Variants in NEGR1 observed in about 807,000 individuals in gnomAD.
NEGR1 encodes the protein neuronal growth regulator 1, also known as IgLON family member 4.
A neutral mutation model predicts 40.9 loss-of-function variants in NEGR1; 10 were observed. The ratio of observed to expected loss-of-function variants is 0.24; its 90% confidence interval spans 0.15 to 0.42. The LOEUF (loss-of-function observed/expected upper bound fraction) is 0.42, where lower values mean the gene tolerates loss of function less well. NEGR1 is among the 10% of genes least tolerant of loss of function. The pLI, the probability that NEGR1 is intolerant of heterozygous loss-of-function variation, is 1.00. For missense variants in NEGR1, 352 were observed against 438.9 expected (o/e 0.80, Z 1.77); for synonymous variants, 185 against 166.8 (o/e 1.11, Z -0.84).
At chr1:72,139,443 A>T (rs1650590781) in intron 1 of NEGR1, among the ~76,000 whole-genome samples, 2 of 152,054 alleles carry the variant, frequency 1.3e-5, no homozygotes, top group Admixed American at 6.6e-5. Context: ...ATTATCAAGA[A>T]ATATGTAGTA....
At chr1:71,942,820 G>C (rs2100252220) in intron 1 of NEGR1, among the ~76,000 whole-genome samples, 1 of 149,952 alleles carries the variant, frequency 6.7e-6, no homozygotes, top group East Asian at 2.0e-4. Context: ...TATTTTTTAA[G>C]AGACAAATTC....
intron 1 of NEGR1, among the ~76,000 whole-genome samples, chr1:72,211,268 T>A (rs1280985478): frequency 1.3e-5 from 2 of 151,674 alleles, no homozygotes; most frequent in Admixed American, 1.3e-4. Flanking sequence ...AACAAAAAAA[T>A]CTAGCACTCT....
chr1:72,139,438 C>A (rs1448715653), intron 1 of NEGR1, among the ~76,000 whole-genome samples: 1 of 151,742 alleles, frequency 6.6e-6, no homozygotes. Flanking sequence ...TGATCATTAT[C>A]AAGAAATATG....
chr1:71,898,877 TGC>T (rs1661048640), intron 2 of NEGR1, among the ~76,000 whole-genome samples: 1 of 73,898 alleles, frequency 1.4e-5, no homozygotes, highest in Non-Finnish European at 2.9e-5. Context: ...ATATATATAT[TGC>T]AAATATATAT....
intron 1 of NEGR1, among the ~76,000 whole-genome samples, chr1:72,158,995 C>A (rs749724834): frequency 6.6e-6 from 1 of 151,996 alleles, no homozygotes; most frequent in Non-Finnish European, 1.5e-5. Context: ...TTGATCCTTG[C>A]GAGGCTGAAT....
chr1:71,905,344 T>A (rs1661248325), intron 2 of NEGR1, among the ~76,000 whole-genome samples: 1 of 152,058 alleles, frequency 6.6e-6, no homozygotes, highest in Non-Finnish European at 1.5e-5. Context: ...TTTATTTGAA[T>A]CTAATTTTAT....
chr1:71,837,311 G>A (rs904742186), intron 2 of NEGR1, among the ~76,000 whole-genome samples: 4 of 152,084 alleles, frequency 2.6e-5, no homozygotes, highest in African/African-American at 9.7e-5. Flanking sequence ...CTCTGACAAA[G>A]TAGATATTAT....
At chr1:71,774,434 T>A (rs755716415) in intron 3 of NEGR1, among the ~76,000 whole-genome samples, 1 of 152,186 alleles carries the variant, frequency 6.6e-6, no homozygotes, top group Non-Finnish European at 1.5e-5. Flanking sequence ...ATGCATATTA[T>A]ATAAATATAT....
At chr1:72,019,654 T>C (rs1168390477) in intron 1 of NEGR1, among the ~76,000 whole-genome samples, 1 of 152,252 alleles carries the variant, frequency 6.6e-6, no homozygotes, top group African/African-American at 2.4e-5. Context: ...TTGCCACTTC[T>C]CTTTTTATAA....
chr1:71,982,715 T>C (rs1646364213), intron 1 of NEGR1, among the ~76,000 whole-genome samples: 1 of 152,116 alleles, frequency 6.6e-6, no homozygotes, highest in South Asian at 2.1e-4. Context: ...AATAGAGGGA[T>C]AGCAAAAACA....
intron 1 of NEGR1, among the ~76,000 whole-genome samples, chr1:72,199,395 G>T: frequency 6.6e-6 from 1 of 151,932 alleles, no homozygotes; most frequent in Non-Finnish European, 1.5e-5. Flanking sequence ...GGGCATTGAG[G>T]ACAAAGAGCT....
At chr1:71,596,487 T>A (rs1329518295) in intron 5 of NEGR1, among the ~76,000 whole-genome samples, 1 of 152,190 alleles carries the variant, frequency 6.6e-6, no homozygotes, top group Non-Finnish European at 1.5e-5. Context: ...TACAGATACT[T>A]ATATTTCTGA....
intron 1 of NEGR1, among the ~76,000 whole-genome samples, chr1:71,975,143 C>T (rs1416165795): frequency 6.6e-6 from 1 of 152,090 alleles, no homozygotes; most frequent in African/African-American, 2.4e-5. Context: ...CAAAGAAGCA[C>T]ATAAAGGATT....
chr1:71,580,902 G>T (rs1294753131), intron 6 of NEGR1, among the ~76,000 whole-genome samples: 2 of 152,122 alleles, frequency 1.3e-5, no homozygotes, highest in East Asian at 1.9e-4. Flanking sequence ...GCATGCTAAA[G>T]CTGGCTTATA....
chr1:72,066,924 A>G (rs375006696), intron 1 of NEGR1, among the ~76,000 whole-genome samples: 2 of 152,226 alleles, frequency 1.3e-5, no homozygotes, highest in East Asian at 3.9e-4. Context: ...TGCTAATGAA[A>G]TATTTCCAGA....
intron 1 of NEGR1, among the ~76,000 whole-genome samples, chr1:72,021,465 C>T (rs1646755812): frequency 6.6e-6 from 1 of 151,704 alleles, no homozygotes; most frequent in East Asian, 1.9e-4. Context: ...CATAACATAC[C>T]AAACCTCAAG....
intron 6 of NEGR1, among the ~76,000 whole-genome samples, chr1:71,498,381 G>C (rs923873344): frequency 6.6e-6 from 1 of 151,696 alleles, no homozygotes; most frequent in African/African-American, 2.4e-5. Context: ...AGAAAAGCCG[G>C]GTTTCCAATT....
At chr1:71,872,600 C>G (rs1019752831) in intron 2 of NEGR1, among the ~76,000 whole-genome samples, 3 of 152,160 alleles carry the variant, frequency 2.0e-5, no homozygotes, top group African/African-American at 2.4e-5. Context: ...CGCCTCTATT[C>G]ACCACGTTGG....
intron 1 of NEGR1, 137 bp from the exon 2 acceptor site, chr1:71,935,448 C>A: frequency 1.6e-6 from 1 of 637,168 alleles, no homozygotes; most frequent in East Asian, 2.7e-5. Flanking sequence ...ACTCAGGAAA[C>A]ATGAACATAC....
Sources: allele counts gnomAD v4.1 joint callset (sites outside exome capture counted in the v4.1 genomes callset), GRCh38; gene constraint gnomAD v4.1.1; transcripts MANE v1.5; gene names NCBI Gene and HGNC (gene_info 2026-07-23, HGNC 2026-07-21).